Variants in MDC1 observed in about 807,000 individuals in gnomAD.
MDC1 encodes mediator of DNA damage checkpoint 1.
MDC1 carries 81 observed loss-of-function variants against 142.5 expected under a neutral mutation model. The observed-to-expected ratio is 0.57, with a 90% CI of 0.47 to 0.68. The LOEUF is 0.68. Ranked by LOEUF, MDC1 falls within the 30% of genes least tolerant of loss-of-function variation. The pLI is 0.00. For missense variants in MDC1, 2,119 were observed against 2,547.9 expected (o/e 0.83, Z 3.62); for synonymous variants, 797 against 968.4 (o/e 0.82, Z 3.29).
intron 9 of MDC1, among the ~76,000 whole-genome samples, chr6:30,707,011 C>A (rs1325670857): frequency 6.6e-6 from 1 of 152,160 alleles, no homozygotes; most frequent in Non-Finnish European, 1.5e-5. Context: ...ATTTTCCTTT[C>A]TGTCTATGAT....
rs1773206167 is a variant in MDC1 at position 30,703,764 on chromosome 6, C to G, written c.5419G>C (p.Ala1807Pro). ...SRFTPELQPKASQSRKRSLAT... is the reference protein window; with the variant it reads ...SRFTPELQPKPSQSRKRSLAT... ...AAAGACCTCTTGCGGCTTTGAGAGG[C>G]CTTAGGCTGGAGCTCCGGGGTGAAC... is the stretch of plus-strand genomic sequence containing the variant. Residue 1807 changes from alanine to proline, a missense_variant, in exon 10 of 15, where the codon GCC becomes CCC. Coordinates refer to ENST00000376406, the MANE Select transcript of MDC1 (RefSeq NM_014641.3). This position sits in a 1 kb window ranked among gnomAD's most constrained non-coding sequence, Gnocchi z 4.4. 1 of 1,564,284 alleles carries G rather than the reference C, an allele frequency of 6.4e-7. No individual in the cohort carries two copies.
Position 30,708,048 on chromosome 6 carries a change from G to C in MDC1, c.2531C>G (p.Thr844Arg), listed in dbSNP as rs1340580913. Residue 844 changes from threonine to arginine, a missense_variant, in exon 8 of 15, where the codon ACA (threonine) becomes AGA (arginine). Thr to Arg is a moderately conservative substitution (Grantham distance 71). Coordinates refer to ENST00000376406, the MANE Select transcript of MDC1 (RefSeq NM_014641.3). Reference protein sequence around the residue: ...ETEKLLPERQTDVTGEEELTK... With the variant: ...ETEKLLPERQRDVTGEEELTK... ...TAATTCTTCCTCTCCTGTCACATCT[G>C]TCTGTCTTTCTGGTAGCAGTTTCTC... 1.2e-6 allele frequency: 2 copies of C among 1,613,000 alleles called. No homozygotes were observed. Among genetic ancestry groups the C allele is most frequent in the Non-Finnish European group, 8.5e-7 (1 of 1,180,018 alleles).
rs117708355 is a variant in MDC1, at chr6:30,712,344, G to A, written c.1598C>T (p.Ser533Leu). 4.1e-4 allele frequency: 665 copies of A among 1,613,052 alleles called. 12 individuals carry two copies. The East Asian group carries it at 0.014, about 34-fold the overall frequency. ...TQVEKEVPPG[S>L]AIIHIKKHQV... ...ATGCTTCTTTATATGTATAATGGCT[G>A]ACCCTGGCGGGACTTCCTTCTCCAC... The change falls in exon 5 of 15, where the codon TCA becomes TTA. Residue 533 changes from serine to leucine, a missense_variant. Coordinates refer to ENST00000376406, the MANE Select transcript of MDC1 (RefSeq NM_014641.3). The surrounding 1 kb of genome is among the most constrained non-coding windows in gnomAD (Gnocchi z 4.7).
rs1236183460 is a variant in MDC1, at chr6:30,702,624, G to A, written c.6031C>T (p.Pro2011Ser). Residue 2011 changes from proline to serine, a missense_variant, in exon 14 of 15, where the codon CCA (proline) becomes TCA (serine). Transcript: ENST00000376406. ...IYVTPGVQPP[P>S]PQMGEIISCC... is the part of the protein sequence containing the mutation. The stretch of plus-strand genomic sequence containing the variant: ...CTAATAATCTCTCCCATCTGAGGTG[G>A]TGGTGGCTGGACTCCAGGGGTCACA... The A allele has an allele frequency of 8.7e-6, 14 of 1,611,730 alleles. No individual in the cohort carries two copies. Among genetic ancestry groups the A allele is most frequent in the Non-Finnish European group, 9.3e-6 (11 of 1,179,416 alleles).
rs114325637 is a variant in MDC1 at position 30,702,885 on chromosome 6, C to T, written c.5866-8G>A. ...GAAACCAGCCTTGCGGGACTAAGGA[C>T]GGCAGCAGTCAGCATCAAAGCTCAG... On this transcript the variant is annotated splice_polypyrimidine_tract_variant and splice_region_variant and intron_variant, in intron 12 of 14. Transcript: ENST00000376406. 2,300 of 1,612,932 alleles carry T rather than the reference C, an allele frequency of 1.4e-3. 10 individuals carry two copies. The highest frequency in any genetic ancestry group is 0.014 in the African/African-American group (1,054 of 75,058).
chr6:30,705,835 T>C lies in MDC1; in HGVS notation c.3348A>G (p.Thr1116=), dbSNP rs1442301462. Residue 1116 remains threonine, a synonymous_variant, in exon 10 of 15, where the codon ACA becomes ACG. Coordinates refer to ENST00000376406, the MANE Select transcript of MDC1 (RefSeq NM_014641.3). ...GGGCAGCAGAGGTAGCTGGAAAGGG[T>C]GTCATTCTGGAGGACTTCCGAGTTC... ...KIRTRKSSRM[T]PFPATSAAPE... 1 of 1,610,804 alleles carries C rather than the reference T, an allele frequency of 6.2e-7. No homozygotes were observed. The highest frequency in any genetic ancestry group is 8.5e-7 in the Non-Finnish European group (1 of 1,178,576).
chr6:30,713,028 T>A lies in MDC1; in HGVS notation c.914A>T (p.Asp305Val). The part of the protein sequence containing the change: ...PGEDSDTDVD[D>V]DSRPPGRPAE... ...TGGCCTTCCAGGAGGCCTGCTGTCA[T>A]CATCCACATCTGTGTCACTGTCCTC... Residue 305 changes from aspartate (D) to valine (V), a missense_variant, in exon 5 of 15, where the codon GAT becomes GTT. Physicochemically the swap from Asp to Val is radical, Grantham distance 152. Coordinates refer to ENST00000376406, the MANE Select transcript of MDC1 (RefSeq NM_014641.3). This position sits in a 1 kb window ranked among gnomAD's most constrained non-coding sequence, Gnocchi z 4.9. 6.2e-7 allele frequency: 1 copy of A among 1,612,848 alleles called. No individual in the cohort carries two copies. The highest frequency in any genetic ancestry group is 8.5e-7 in the Non-Finnish European group (1 of 1,179,814).
Position 30,702,798 on chromosome 6 carries a change from C to A in MDC1, c.5945G>T (p.Ser1982Ile). ...DPEQEKNFGF[S>I]LQDALSRARE... ...AGCCCTGCTCAGTGCGTCTTGAAGG[C>A]TAAAGCCAAAGTTCTTCTCTTGCTC... Residue 1982 changes from serine (S) to isoleucine (I), a missense_variant, in exon 13 of 15, where the codon AGC becomes ATC. Physicochemically the swap from Ser to Ile is moderately radical, Grantham distance 142. Coordinates refer to ENST00000376406, the MANE Select transcript of MDC1 (RefSeq NM_014641.3). The A allele has an allele frequency of 6.2e-7, 1 of 1,613,154 alleles. No homozygotes were observed.
In MDC1 at chr6:30,705,062, G is replaced by A; in HGVS notation, c.4121C>T (p.Pro1374Leu). ...ESTVPIAPEL[P>L]PSTSTEQPVT... ...AGGCTGCTCTGTGGAGGTGGAAGGT[G>A]GGAGCTCAGGGGCTATAGGGACAGT... Residue 1374 changes from proline (P) to leucine (L), a missense_variant, in exon 10 of 15, where the codon CCA becomes CTA. Transcript: ENST00000376406. 1 of 1,596,586 alleles carries A rather than the reference G, an allele frequency of 6.3e-7. No individual in the cohort carries two copies. Among genetic ancestry groups the A allele is most frequent in the South Asian group, 1.1e-5 (1 of 90,168 alleles).
Position 30,714,159 on chromosome 6 carries a change from T to C in MDC1, c.161A>G (p.Asn54Ser). ...GCAGTCAGGCATTCGGCCTACCACA[T>C]TCTTCCCGAGGTGTAGTGGGAAATC... The part of the protein sequence containing the change: ...EKDFPLHLGK[N>S]VVGRMPDCSV... Residue 54 changes from asparagine (N) to serine (S), a missense_variant, in exon 3 of 15, where the codon AAT becomes AGT. Transcript: ENST00000376406. 1 of 1,610,246 alleles carries C rather than the reference T, an allele frequency of 6.2e-7. No individual in the cohort carries two copies. Among genetic ancestry groups the C allele is most frequent in the Non-Finnish European group, 8.5e-7 (1 of 1,179,840 alleles).
At position 30,712,915 on chromosome 6, in the gene MDC1, C is replaced by G. The variant is rs1191460579; in HGVS notation, c.1027G>C (p.Val343Leu). 2 of 1,612,994 alleles carry G rather than the reference C, an allele frequency of 1.2e-6. No homozygotes were observed. Among genetic ancestry groups the G allele is most frequent in the Non-Finnish European group, 1.7e-6 (2 of 1,180,052 alleles). The change falls in exon 5 of 15, where the codon GTT becomes CTT. Residue 343 changes from valine to leucine, a missense_variant. Transcript: ENST00000376406. The surrounding 1 kb of genome is among the most constrained non-coding windows in gnomAD (Gnocchi z 4.7). ...AEEERIPATP[V>L]VIPMKKRKIF... ...TTCCTCTTCTTCATAGGAATGACAA[C>G]TGGGGTTGCTGGGATCCTCTCTTCT...
Position 30,705,759 on chromosome 6 carries a change from T to C in MDC1, c.3424A>G (p.Thr1142Ala), listed in dbSNP as rs752227427. The change falls in exon 10 of 15, where the codon ACA becomes GCA. Residue 1142 changes from threonine (T) to alanine (A), a missense_variant. By Grantham distance (58) the Thr-to-Ala change is moderately conservative (BLOSUM62 0). Transcript: ENST00000376406. ...STAQPVTPKPTSQATRSRTNR... is the reference protein window; with the variant it reads ...STAQPVTPKPASQATRSRTNR... ...GTCCTGCTCCTAGTGGCCTGAGATGTGGGCTTGGGAGTGACTGGCTGGGCT... is the reference window on the plus strand; with the variant it reads ...GTCCTGCTCCTAGTGGCCTGAGATGCGGGCTTGGGAGTGACTGGCTGGGCT... The C allele has an allele frequency of 9.9e-6, 16 of 1,613,114 alleles. No individual in the cohort carries two copies. The highest frequency in any genetic ancestry group is 5.0e-5 in the Admixed American group (3 of 59,940).
chr6:30,712,222 G>A lies in MDC1; in HGVS notation c.1720C>T (p.His574Tyr). 6.2e-7 allele frequency: 1 copy of A among 1,612,956 alleles called. No individual in the cohort carries two copies. Among genetic ancestry groups the A allele is most frequent in the Non-Finnish European group, 8.5e-7 (1 of 1,179,998 alleles). Residue 574 changes from histidine (H) to tyrosine (Y), a missense_variant, in exon 5 of 15, where the codon CAT becomes TAT. His to Tyr is a moderately conservative substitution (Grantham distance 83). Transcript: ENST00000376406. This position sits in a 1 kb window ranked among gnomAD's most constrained non-coding sequence, Gnocchi z 4.7. ...TCTGCATCTGTTTCACAGTCCCCATGCAGAGGCCAGGCTTCCTCTAGAGAT... is the reference window on the plus strand; with the variant it reads ...TCTGCATCTGTTTCACAGTCCCCATACAGAGGCCAGGCTTCCTCTAGAGAT... ...VVSLEEAWPL[H>Y]GDCETDAEEG...
Position 30,707,548 on chromosome 6 carries a change from C to T in MDC1, c.3013+18G>A, listed in dbSNP as rs1357301400. On this transcript the variant is annotated intron_variant, in intron 8 of 14. Transcript: ENST00000376406. Reference sequence around the variant, plus strand: ...GAGGCCTGTGTATCACCTTGGGTTCCCCTCTGCCTTCACTTACCTTTCTGA... The same window carrying T: ...GAGGCCTGTGTATCACCTTGGGTTCTCCTCTGCCTTCACTTACCTTTCTGA... 2 of 1,612,624 alleles carry T rather than the reference C, an allele frequency of 1.2e-6. No homozygotes were observed. Among genetic ancestry groups the T allele is most frequent in the African/African-American group, 2.7e-5 (2 of 75,052 alleles).
intron 7 of MDC1, among the ~76,000 whole-genome samples, chr6:30,711,053 T>C (rs1178713594): frequency 6.6e-6 from 1 of 152,156 alleles, no homozygotes; most frequent in Non-Finnish European, 1.5e-5. Context: ...AATCAGAGTA[T>C]GAAAGAAACA....
At chr6:30,702,256 C>CAAAAAAAAAAAAAAAA (rs57764077) in intron 14 of MDC1, among the ~76,000 whole-genome samples, 1 of 59,142 alleles carries the variant, frequency 1.7e-5, no homozygotes, top group Non-Finnish European at 2.8e-5. Flanking sequence ...GACTCCATCT[C>CAAAAAAAAAAAAAAAA]AAAAAAAAAA....
In MDC1 at chr6:30,705,704, G is replaced by T. The variant is rs375059317; in HGVS notation, c.3479C>A (p.Pro1160Gln). ...GAGCTCAGGGGCTGTGGGGACAACT[G>T]GTTCAGGGGTCTTGACAGAGGACCT... ...TNRSSVKTPE[P>Q]VVPTAPELQP... is the part of the protein sequence containing the mutation. Residue 1160 changes from proline (P) to glutamine (Q), a missense_variant, in exon 10 of 15, where the codon CCA becomes CAA. Pro to Gln is a moderately conservative substitution (Grantham distance 76). Coordinates refer to ENST00000376406, the MANE Select transcript of MDC1 (RefSeq NM_014641.3). 1.6e-4 allele frequency: 264 copies of T among 1,612,946 alleles called. 6 individuals are homozygous for T. The highest frequency in any genetic ancestry group is 8.9e-4 in the East Asian group (40 of 44,724).
At chr6:30,701,955 C>T (rs1456128378) in intron 14 of MDC1, among the ~76,000 whole-genome samples, 2 of 151,908 alleles carry the variant, frequency 1.3e-5, no homozygotes, top group African/African-American at 2.4e-5. Flanking sequence ...AAATGAAATA[C>T]TTCAGCAAAG....
chr6:30,711,019 T>C (rs1434726767), intron 7 of MDC1, among the ~76,000 whole-genome samples: 1 of 152,180 alleles, frequency 6.6e-6, no homozygotes, highest in Non-Finnish European at 1.5e-5. Context: ...GGACGCAAAC[T>C]CGCATACACA....
Sources: allele counts gnomAD v4.1 joint callset (sites outside exome capture counted in the v4.1 genomes callset), GRCh38; gene constraint gnomAD v4.1.1; non-coding constraint Gnocchi (gnomAD v3.1); transcripts MANE v1.5; gene names NCBI Gene and HGNC (gene_info 2026-07-23, HGNC 2026-07-21).